NBAS: variants seen among roughly 807,000 people sequenced by gnomAD.
NBAS encodes the protein NAG/BC035112 fusion.
A neutral mutation model predicts 302.5 loss-of-function variants in NBAS; 219 were observed. The observed-to-expected ratio is 0.72, with a 90% CI of 0.65 to 0.81. The LOEUF (loss-of-function observed/expected upper bound fraction) is 0.81, where lower values mean the gene tolerates loss of function less well. Among genes scored for constraint, NBAS ranks in the 30% least tolerant of loss-of-function variants. NBAS has a pLI of 0.00. For missense variants in NBAS, 2,932 were observed against 2,841.6 expected (o/e 1.03, Z -0.72); for synonymous variants, 1,118 against 1,021.6 (o/e 1.09, Z -1.80).
intron 9 of NBAS, among the ~76,000 whole-genome samples, chr2:15,520,208 C>T (rs1662596676): frequency 6.6e-6 from 1 of 152,102 alleles, no homozygotes; most frequent in Non-Finnish European, 1.5e-5. Flanking sequence ...TAGAGACCAG[C>T]TTGAGCAACA....
chr2:15,395,355 C>T (rs1675819103), intron 27 of NBAS, among the ~76,000 whole-genome samples: 1 of 152,084 alleles, frequency 6.6e-6, no homozygotes, highest in Non-Finnish European at 1.5e-5. Context: ...CCCAACAAAC[C>T]TTAGTCAAAC....
At chr2:14,819,352 C>A in the NBAS span, among the ~76,000 whole-genome samples, 5,891 of 152,278 alleles carry the variant, frequency 0.039, 359 homozygotes, top group African/African-American at 0.13. Flanking sequence ...GCTGGCATAG[C>A]TGCATAATCA....
At chr2:15,089,614 G>A in the NBAS span, among the ~76,000 whole-genome samples, 192 of 152,230 alleles carry the variant, frequency 1.3e-3, 1 homozygote, top group Non-Finnish European at 2.1e-3. Context: ...AGAGTGGAAT[G>A]AGAGCAGCTC....
At chr2:14,845,643 G>T in the NBAS span, among the ~76,000 whole-genome samples, 1 of 152,116 alleles carries the variant, frequency 6.6e-6, no homozygotes, top group African/African-American at 2.4e-5. Flanking sequence ...TTAAGAAAAT[G>T]CAAAGAAATT....
the NBAS span, among the ~76,000 whole-genome samples, chr2:14,947,362 G>A: frequency 6.6e-6 from 1 of 151,932 alleles, no homozygotes; most frequent in African/African-American, 2.4e-5. Flanking sequence ...AGAAATACAA[G>A]GAATCATCAG....
chr2:14,934,928 A>T, the NBAS span, among the ~76,000 whole-genome samples: 2 of 152,140 alleles, frequency 1.3e-5, no homozygotes, highest in African/African-American at 4.8e-5. Context: ...TTCTTTGTAG[A>T]TCACATGTAT....
chr2:15,368,513 T>C (rs1674332666), intron 31 of NBAS, among the ~76,000 whole-genome samples: 1 of 152,186 alleles, frequency 6.6e-6, no homozygotes, highest in East Asian at 1.9e-4. Flanking sequence ...TCTCTTAAAA[T>C]GAATATTTAT....
At chr2:15,117,354 C>T in the NBAS span, among the ~76,000 whole-genome samples, 5 of 152,106 alleles carry the variant, frequency 3.3e-5, no homozygotes, top group African/African-American at 7.2e-5. Flanking sequence ...CCACTTTCAC[C>T]GCCTATCCAT....
intron 48 of NBAS, among the ~76,000 whole-genome samples, chr2:15,198,430 G>C (rs1036047405): frequency 6.6e-6 from 1 of 152,158 alleles, no homozygotes; most frequent in Non-Finnish European, 1.5e-5. Flanking sequence ...AAGGATCTGA[G>C]GGAAGAGTAG....
the NBAS span, among the ~76,000 whole-genome samples, chr2:15,096,739 G>A: frequency 6.6e-6 from 1 of 152,154 alleles, no homozygotes; most frequent in Non-Finnish European, 1.5e-5. Flanking sequence ...TGGGTTTGTG[G>A]CTTACGCTGA....
intron 9 of NBAS, among the ~76,000 whole-genome samples, chr2:15,520,130 A>G (rs2287276): frequency 0.64 from 96,858 of 151,948 alleles, 31,600 homozygotes; most frequent in Non-Finnish European, 0.68. Flanking sequence ...GGCCAGGCAC[A>G]GTGACTTACA....
the NBAS span, among the ~76,000 whole-genome samples, chr2:15,138,984 T>C: frequency 1.3e-5 from 2 of 152,182 alleles, no homozygotes; most frequent in African/African-American, 4.8e-5. Flanking sequence ...ACACATTTTT[T>C]TTACATCTTA....
chr2:15,480,314 C>T (rs553726895), intron 12 of NBAS, among the ~76,000 whole-genome samples: 13 of 151,616 alleles, frequency 8.6e-5, no homozygotes, highest in Middle Eastern at 6.8e-3. Context: ...ACACTCCAGC[C>T]TGGGCAACAA....
At chr2:15,102,253 G>A in the NBAS span, among the ~76,000 whole-genome samples, 1 of 152,134 alleles carries the variant, frequency 6.6e-6, no homozygotes, top group Non-Finnish European at 1.5e-5. Context: ...CCAAGTGCAG[G>A]CGAAGTTTGG....
intron 47 of NBAS, among the ~76,000 whole-genome samples, chr2:15,221,641 C>T (rs1369206223): frequency 3.9e-5 from 6 of 152,116 alleles, no homozygotes; most frequent in South Asian, 2.1e-4. Flanking sequence ...TCAGAGAGGA[C>T]GTGGCATCTG....
the NBAS span, among the ~76,000 whole-genome samples, chr2:15,091,560 T>G: frequency 6.6e-6 from 1 of 151,364 alleles, no homozygotes; most frequent in African/African-American, 2.4e-5. Flanking sequence ...TGAGTTGGAG[T>G]CTTGCTCTGT....
chr2:15,038,646 T>G, the NBAS span, among the ~76,000 whole-genome samples: 1 of 152,114 alleles, frequency 6.6e-6, no homozygotes, highest in Admixed American at 6.5e-5. Context: ...TGATGTCAGG[T>G]GGGTTTGCAG....
chr2:14,940,912 T>C, the NBAS span, among the ~76,000 whole-genome samples: 1 of 152,248 alleles, frequency 6.6e-6, no homozygotes, highest in African/African-American at 2.4e-5. Flanking sequence ...TATTGCAAGC[T>C]CCTCAAGAGA....
the NBAS span, among the ~76,000 whole-genome samples, chr2:14,942,139 G>A: frequency 2.6e-5 from 4 of 152,186 alleles, no homozygotes. Flanking sequence ...TCAGAGAGTT[G>A]AAGCTAAAGC....
Sources: gnomAD v4.1 joint callset for allele counts (sites outside exome capture counted in the v4.1 genomes callset) on GRCh38, gnomAD v4.1.1 for gene constraint, MANE v1.5 for transcripts, NCBI Gene and HGNC (gene_info 2026-07-23, HGNC 2026-07-21) for gene names.